ASTN1: variants seen among roughly 807,000 people sequenced by gnomAD.
The protein encoded by ASTN1 is astrotactin 1.
In ASTN1, 41 loss-of-function variants were observed where a neutral mutation model predicts 140.7. The ratio of observed to expected loss-of-function variants is 0.29; its 90% CI spans 0.23 to 0.38. The LOEUF is 0.38. Ranked by LOEUF, ASTN1 falls within the 10% of genes least tolerant of loss-of-function variation. The pLI is 1.00. For missense variants in ASTN1, 1,479 were observed against 1,678.8 expected, an observed-to-expected ratio of 0.88 and a Z score of 2.08; for synonymous variants, 640 against 652.2, an observed-to-expected ratio of 0.98 and a Z score of 0.29.
intron 1 of ASTN1, among the ~76,000 whole-genome samples, chr1:177,140,240 C>T (rs1179592418): frequency 6.6e-6 from 1 of 152,148 alleles, no homozygotes; most frequent in African/African-American, 2.4e-5. Context: ...CAAGAAGCCA[C>T]CATGGTTGAA....
chr1:177,133,473 C>T (rs1210813249), intron 1 of ASTN1, among the ~76,000 whole-genome samples: 1 of 152,156 alleles, frequency 6.6e-6, no homozygotes, highest in African/African-American at 2.4e-5. Flanking sequence ...AGCATGAATG[C>T]CCCATAATCC....
At chr1:177,132,966 T>C (rs748335744) in intron 1 of ASTN1, among the ~76,000 whole-genome samples, 1 of 152,184 alleles carries the variant, frequency 6.6e-6, no homozygotes, top group Non-Finnish European at 1.5e-5. Flanking sequence ...CCAGCATGGG[T>C]CAGATTCTCC....
At chr1:176,990,078 T>C (rs1463418156) in intron 8 of ASTN1, among the ~76,000 whole-genome samples, 3 of 151,828 alleles carry the variant, frequency 2.0e-5, no homozygotes, top group African/African-American at 4.8e-5. Flanking sequence ...ATACTACCAT[T>C]TTCAGCCTGG....
At chr1:177,003,543 G>T (rs1178913403) in intron 8 of ASTN1, among the ~76,000 whole-genome samples, 1 of 152,158 alleles carries the variant, frequency 6.6e-6, no homozygotes, top group African/African-American at 2.4e-5. Context: ...AGGTGCAGTG[G>T]CTCACGCCTA....
intron 18 of ASTN1, among the ~76,000 whole-genome samples, chr1:176,886,712 G>A (rs966685271): frequency 8.5e-5 from 13 of 152,130 alleles, no homozygotes; most frequent in Non-Finnish European, 1.9e-4. Flanking sequence ...GCCCTTTAGT[G>A]CCTACCCGCA....
intron 1 of ASTN1, among the ~76,000 whole-genome samples, chr1:177,125,843 C>T (rs548452518): frequency 6.6e-6 from 1 of 152,148 alleles, no homozygotes; most frequent in Non-Finnish European, 1.5e-5. Context: ...TTTCTGACAA[C>T]CTCTCTTCAA....
chr1:177,162,169 A>G (rs750830270), intron 1 of ASTN1, among the ~76,000 whole-genome samples: 26 of 152,200 alleles, frequency 1.7e-4, no homozygotes, highest in Non-Finnish European at 3.1e-4. Context: ...AGACCACAAA[A>G]GTTAAATTCA....
chr1:176,885,811 T>C (rs768211754), intron 18 of ASTN1, among the ~76,000 whole-genome samples: 1 of 152,196 alleles, frequency 6.6e-6, no homozygotes, highest in African/African-American at 2.4e-5. Context: ...CATATAATTA[T>C]ACATGTGATT....
In ASTN1 at chr1:176,965,201, G is replaced by C; in HGVS notation, c.1560C>G (p.Asp520Glu). 1.2e-6 allele frequency: 2 copies of C among 1,613,998 alleles called. No homozygotes were observed. The highest frequency in any genetic ancestry group is 1.7e-6 in the Non-Finnish European group (2 of 1,179,910). ...WPYTIFQRGF[D>E]LVLGEQPSDK... ...CAGAGGGCTGCTCTCCCAAAACCAG[G>C]TCAAAGCCTCGCTGAAATATTGTGT... Residue 520 changes from aspartate (D) to glutamate (E), a missense_variant, in exon 9 of 23, where the codon GAC becomes GAG. Physicochemically the swap from Asp to Glu is conservative, Grantham distance 45. Around this residue, in one of 3 missense-constraint regions of ASTN1, gnomAD observed 729 missense variants for 860.4 expected, o/e 0.85. Coordinates refer to ENST00000361833, the MANE Select transcript of ASTN1 (RefSeq NM_004319.3).
chr1:177,034,636 G>A (rs1676621662), intron 2 of ASTN1, among the ~76,000 whole-genome samples: 1 of 152,096 alleles, frequency 6.6e-6, no homozygotes, highest in Non-Finnish European at 1.5e-5. Flanking sequence ...TGCCTCCACA[G>A]TGCATGACTA....
At chr1:177,117,789 G>C (rs1395056989) in intron 1 of ASTN1, among the ~76,000 whole-genome samples, 2 of 152,144 alleles carry the variant, frequency 1.3e-5, no homozygotes, top group Non-Finnish European at 2.9e-5. Flanking sequence ...TCTTCAGGCT[G>C]TACTGCCCTT....
At chr1:177,003,674 TGGTGGCA>T (rs1401466464) in intron 8 of ASTN1, among the ~76,000 whole-genome samples, 1 of 151,892 alleles carries the variant, frequency 6.6e-6, no homozygotes, top group East Asian at 1.9e-4. Context: ...TAGCTGGGTA[TGGTGGCA>T]GGTACCTGTA....
intron 21 of ASTN1, among the ~76,000 whole-genome samples, chr1:176,872,021 C>A (rs532247079): frequency 2.6e-5 from 4 of 152,110 alleles, no homozygotes; most frequent in Non-Finnish European, 4.4e-5. Context: ...GAGACTGAGG[C>A]TCTCAGACCC....
rs1174132481 is a variant in ASTN1 at position 176,981,205 on chromosome 1, C to T, written c.1524-15968G>A. Among the ~76,000 whole-genome samples the T allele has an allele frequency of 4.6e-5, 4 of 87,740 alleles. No homozygotes were observed. The South Asian group carries it at 1.7e-3, about 38-fold the overall frequency. The allele number at this position is 87,740 out of a possible 152,430, so 57.6% of individuals were successfully genotyped here. On this transcript the variant is annotated intron_variant, in intron 8 of 22. Coordinates refer to ENST00000361833, the MANE Select transcript of ASTN1 (RefSeq NM_004319.3). ...CCAGCCTGGGTGACAGAAGGAGACT[C>T]TGTCTCAAAAAAAAAAAAAAAAAAA... is the stretch of plus-strand genomic sequence containing the variant.
At chr1:176,954,244 AG>A (rs1672310986) in intron 11 of ASTN1, among the ~76,000 whole-genome samples, 1 of 152,234 alleles carries the variant, frequency 6.6e-6, no homozygotes, top group African/African-American at 2.4e-5. Flanking sequence ...TGGATTATCT[AG>A]GTGGGCTCAA....
chr1:177,067,950 G>A (rs1034534534), intron 1 of ASTN1, among the ~76,000 whole-genome samples: 6 of 152,094 alleles, frequency 3.9e-5, no homozygotes, highest in Non-Finnish European at 8.8e-5. Context: ...GGACCATCTG[G>A]TACGGAGTTC....
At chr1:176,918,470 C>T (rs77995521) in intron 16 of ASTN1, among the ~76,000 whole-genome samples, 4,119 of 152,254 alleles carry the variant, frequency 0.027, 89 homozygotes, top group Middle Eastern at 0.044. Context: ...GCAACATGTT[C>T]CATCTCATTG....
intron 16 of ASTN1, among the ~76,000 whole-genome samples, chr1:176,933,804 C>T (rs1185257412): frequency 6.6e-6 from 1 of 152,192 alleles, no homozygotes; most frequent in African/African-American, 2.4e-5. Context: ...ACCACGCTCA[C>T]TGCTGCTTCT....
intron 21 of ASTN1, among the ~76,000 whole-genome samples, chr1:176,876,228 A>T (rs535379284): frequency 1.3e-5 from 2 of 152,338 alleles, no homozygotes; most frequent in South Asian, 4.1e-4. Flanking sequence ...GAGGGCAGAG[A>T]TCACAGGTAC....
Sources: gnomAD v4.1 joint callset for allele counts (sites outside exome capture counted in the v4.1 genomes callset) on GRCh38, gnomAD v4.1.1 for gene constraint, gnomAD v4.1.1 regional missense constraint, MANE v1.5 for transcripts, NCBI Gene and HGNC (gene_info 2026-07-23, HGNC 2026-07-21) for gene names.